IQGAP2: variants seen among roughly 807,000 people sequenced by gnomAD.
IQGAP2 encodes IQ motif containing GTPase activating protein 2, also known as ras GTPase-activating-like protein IQGAP2.
A neutral mutation model predicts 201.3 loss-of-function variants in IQGAP2; 173 were observed. That is an observed-to-expected ratio of 0.86 (90% CI 0.76 to 0.98). IQGAP2 has a LOEUF of 0.98. Among genes scored for constraint, IQGAP2 ranks in the 50% least tolerant of loss-of-function variants. The pLI, the probability that IQGAP2 is intolerant of heterozygous loss-of-function variation, is 0.00. For missense variants in IQGAP2, 1,687 were observed against 1,864.8 expected, an observed-to-expected ratio of 0.90 and a Z score of 1.76; for synonymous variants, 675 against 673.9, an observed-to-expected ratio of 1.00 and a Z score of -0.03.
chr5:76,562,662 G>T (rs946705285), intron 3 of IQGAP2, 110 bp downstream of exon 3: 1 of 1,009,160 alleles, frequency 9.9e-7, no homozygotes, highest in Non-Finnish European at 1.5e-6. Context: ...TGGGGGGCTG[G>T]GGGATGTCTT....
intron 2 of IQGAP2, among the ~76,000 whole-genome samples, chr5:76,527,152 T>G (rs1759021339): frequency 6.6e-6 from 1 of 152,226 alleles, no homozygotes; most frequent in Non-Finnish European, 1.5e-5. Context: ...TATTTCCCAG[T>G]GTCTGGCCAA....
intron 20 of IQGAP2, among the ~76,000 whole-genome samples, chr5:76,657,082 G>GA (rs1227788662): frequency 6.6e-6 from 1 of 152,132 alleles, no homozygotes; most frequent in African/African-American, 2.4e-5. Flanking sequence ...ATTCTCAGAT[G>GA]AAGATGGCAA....
rs369191823 is a variant in IQGAP2 at position 76,462,139 on chromosome 5, T to C, written c.146+470T>C. On this transcript the variant is annotated intron_variant, in intron 2 of 35. Transcript: ENST00000274364. ...CCTCCCAGGAAATCACGGGGCCAAC[T>C]GCAGATTGTTTCAAATTCTTCATCT... 8.0e-4 allele frequency among the ~76,000 whole-genome samples: 122 copies of C among 152,346 alleles called. 1 individual carries two copies. In the South Asian group the frequency reaches 0.016, roughly 20 times the overall value.
At chr5:76,694,312 A>C (rs938327029) in intron 31 of IQGAP2, among the ~76,000 whole-genome samples, 5 of 152,140 alleles carry the variant, frequency 3.3e-5, no homozygotes, top group African/African-American at 1.2e-4. Context: ...CAAAACTTCA[A>C]ATCACACGTT....
chr5:76,635,475 T>A (rs989517172), intron 15 of IQGAP2, among the ~76,000 whole-genome samples: 3 of 152,206 alleles, frequency 2.0e-5, no homozygotes, highest in Non-Finnish European at 2.9e-5. Context: ...TCCTTCCCAC[T>A]GAGACAGTTG....
At chr5:76,508,829 CA>C (rs1311974819) in intron 2 of IQGAP2, among the ~76,000 whole-genome samples, 2 of 152,038 alleles carry the variant, frequency 1.3e-5, no homozygotes, top group Non-Finnish European at 2.9e-5. Context: ...CTCAGTTCCA[CA>C]AAATGACAAA....
chr5:76,512,219 A>T (rs1332325313), intron 2 of IQGAP2, among the ~76,000 whole-genome samples: 1 of 152,220 alleles, frequency 6.6e-6, no homozygotes, highest in Non-Finnish European at 1.5e-5. Flanking sequence ...AGAATTTACT[A>T]TTAAAGAAGA....
chr5:76,572,745 C>G (rs1225061024), intron 4 of IQGAP2, among the ~76,000 whole-genome samples: 1 of 152,064 alleles, frequency 6.6e-6, no homozygotes, highest in Non-Finnish European at 1.5e-5. Flanking sequence ...GCCTGTACAG[C>G]TATTTTTAAA....
At chr5:76,563,534 T>G (rs1009840867) in intron 3 of IQGAP2, among the ~76,000 whole-genome samples, 1 of 152,182 alleles carries the variant, frequency 6.6e-6, no homozygotes, top group African/African-American at 2.4e-5. Context: ...CTTTTTTACA[T>G]TTGAAATTAT....
At chr5:76,497,979 T>G (rs1008256011) in intron 2 of IQGAP2, among the ~76,000 whole-genome samples, 2 of 152,228 alleles carry the variant, frequency 1.3e-5, no homozygotes, top group African/African-American at 4.8e-5. Flanking sequence ...TGATTCCATG[T>G]ACTCAGCATA....
intron 32 of IQGAP2, among the ~76,000 whole-genome samples, chr5:76,696,583 GAAA>G (rs113011640): frequency 8.8e-5 from 13 of 148,372 alleles, no homozygotes; most frequent in South Asian, 2.1e-4. Flanking sequence ...TAAATGACCA[GAAA>G]AAAAAAAAAT....
intron 35 of IQGAP2, among the ~76,000 whole-genome samples, chr5:76,706,725 A>G (rs567917490): frequency 1.4e-4 from 22 of 152,346 alleles, no homozygotes; most frequent in East Asian, 3.9e-4. Context: ...AATTGAAATT[A>G]TATATCTGAC....
At chr5:76,606,785 G>A (rs1326180441) in intron 12 of IQGAP2, 1 of 152,248 alleles carries the variant, frequency 6.6e-6, no homozygotes, top group African/African-American at 2.4e-5. Flanking sequence ...CAGCATGAAA[G>A]CATACCAACC....
intron 2 of IQGAP2, among the ~76,000 whole-genome samples, chr5:76,476,478 G>A (rs1755437599): frequency 6.6e-6 from 1 of 152,178 alleles, no homozygotes; most frequent in Non-Finnish European, 1.5e-5. Flanking sequence ...TGAAGCAAAA[G>A]CCAGCTTTTC....
At chr5:76,472,048 A>T (rs1331785264) in intron 2 of IQGAP2, among the ~76,000 whole-genome samples, 1 of 152,152 alleles carries the variant, frequency 6.6e-6, no homozygotes, top group Admixed American at 6.5e-5. Context: ...TGGTTGTTCC[A>T]TGCGGCAGCT....
intron 18 of IQGAP2, among the ~76,000 whole-genome samples, chr5:76,653,701 G>T (rs1452156825): frequency 6.6e-6 from 1 of 152,160 alleles, no homozygotes. Flanking sequence ...TGATGAAATA[G>T]CATCCTATGG....
At chr5:76,603,125 C>G (rs991010984) in intron 11 of IQGAP2, among the ~76,000 whole-genome samples, 2 of 152,214 alleles carry the variant, frequency 1.3e-5, no homozygotes, top group African/African-American at 2.4e-5. Context: ...TCCATCCCTA[C>G]TCGTATTTTG....
intron 2 of IQGAP2, among the ~76,000 whole-genome samples, chr5:76,546,156 C>T (rs541873580): frequency 6.6e-6 from 1 of 151,898 alleles, no homozygotes; most frequent in Admixed American, 6.5e-5. Flanking sequence ...CCCTTTTTGG[C>T]CGGGTGTGTT....
intron 2 of IQGAP2, among the ~76,000 whole-genome samples, chr5:76,531,521 G>A (rs192947930): frequency 1.6e-3 from 248 of 152,224 alleles, no homozygotes; most frequent in Non-Finnish European, 2.8e-3. Flanking sequence ...ACTCATGAGG[G>A]TTGTACCGTT....
Sources: gnomAD v4.1 joint callset for allele counts (sites outside exome capture counted in the v4.1 genomes callset) on GRCh38, gnomAD v4.1.1 for gene constraint, MANE v1.5 for transcripts, NCBI Gene and HGNC (gene_info 2026-07-23, HGNC 2026-07-21) for gene names.